Variants in GRM4 observed in about 807,000 individuals in gnomAD.
GRM4 encodes metabotropic glutamate receptor 4.
In GRM4, 28 loss-of-function variants were observed where a neutral mutation model predicts 81.7. That is an observed-to-expected ratio of 0.34 (90% CI 0.25 to 0.47). The LOEUF (loss-of-function observed/expected upper bound fraction) is 0.47, where lower values mean the gene tolerates loss of function less well. GRM4 is among the 20% of genes least tolerant of loss of function. The pLI is 1.00. For synonymous variants in GRM4, 488 were observed against 528.8 expected (o/e 0.92, Z 1.06); for missense variants, 948 against 1,290.0 (o/e 0.73, Z 4.06).
intron 1 of GRM4, among the ~76,000 whole-genome samples, chr6:34,153,283 G>C (rs1047782438): frequency 3.9e-5 from 6 of 152,206 alleles, no homozygotes; most frequent in Non-Finnish European, 5.9e-5. Flanking sequence ...AGGGCCCAGA[G>C]AGGCCAGGGC....
intron 2 of GRM4, among the ~76,000 whole-genome samples, chr6:34,102,524 T>C (rs2127494678): frequency 6.6e-6 from 1 of 152,264 alleles, no homozygotes; most frequent in South Asian, 2.1e-4. Context: ...TTCAAGACTT[T>C]GCTCAAATGT....
At chr6:34,105,758 G>A (rs74318988) in intron 2 of GRM4, among the ~76,000 whole-genome samples, 3,728 of 152,292 alleles carry the variant, frequency 0.024, 78 homozygotes, top group Non-Finnish European at 0.038. Context: ...AAATTCAGCA[G>A]GTTCAAAGTC....
At chr6:34,124,759 T>C (rs567406540) in intron 2 of GRM4, among the ~76,000 whole-genome samples, 2 of 152,208 alleles carry the variant, frequency 1.3e-5, no homozygotes, top group African/African-American at 4.8e-5. Context: ...AACAAATAAA[T>C]GCATGACTCT....
chr6:34,078,036 G>A lies in GRM4; in HGVS notation c.736+13847C>T, dbSNP rs141959280. Among the ~76,000 whole-genome samples the A allele has an allele frequency of 4.5e-3, 679 of 152,308 alleles. 2 individuals are homozygous for A. Among genetic ancestry groups the A allele is most frequent in the Middle Eastern group, 0.024 (7 of 294 alleles). On this transcript the variant is annotated intron_variant, in intron 3 of 10. Coordinates refer to ENST00000538487, the MANE Select transcript of GRM4 (RefSeq NM_000841.4). The surrounding 1 kb of genome is among the most constrained non-coding windows in gnomAD (Gnocchi z 4.8). ...TCAGCAACCTCCAGTGCCAGGAGCT[G>A]TCCTAGATTCTGTGGGTACAGCCTG...
rs1562023974 is a variant in GRM4 at position 34,047,478 on chromosome 6, C to G, written c.1169-6730G>C. Among the ~76,000 whole-genome samples, 1 of 152,158 alleles carries G rather than the reference C, an allele frequency of 6.6e-6. No homozygotes were observed. Among genetic ancestry groups the G allele is most frequent in the Non-Finnish European group, 1.5e-5 (1 of 68,030 alleles). On this transcript the variant is annotated intron_variant, in intron 6 of 10. Coordinates refer to ENST00000538487, the MANE Select transcript of GRM4 (RefSeq NM_000841.4). This position sits in a 1 kb window ranked among gnomAD's most constrained non-coding sequence, Gnocchi z 4.5. ...CACCATCCCACAAGCCCCCAAATTC[C>G]CAGAAGTCACCAGCCAGGATCTCCC...
chr6:34,083,628 G>A (rs1270305766), intron 3 of GRM4, among the ~76,000 whole-genome samples: 1 of 152,184 alleles, frequency 6.6e-6, no homozygotes, highest in South Asian at 2.1e-4. Flanking sequence ...TGGCTGCAGG[G>A]TGGGGCCCAC....
intron 2 of GRM4, among the ~76,000 whole-genome samples, chr6:34,101,289 A>G (rs533338934): frequency 5.9e-5 from 9 of 152,308 alleles, no homozygotes; most frequent in Admixed American, 2.0e-4. Flanking sequence ...CCATAGTCCT[A>G]TGAGGTGGGC....
intron 2 of GRM4, among the ~76,000 whole-genome samples, chr6:34,122,416 C>T (rs78611622): frequency 0.018 from 2,678 of 152,222 alleles, 57 homozygotes; most frequent in East Asian, 0.11. Flanking sequence ...ACTCTCCACA[C>T]GGAACCAAGC....
chr6:34,133,802 A>G lies in GRM4; in HGVS notation c.-306T>C, dbSNP rs1030250384. On this transcript the variant is annotated 5_prime_UTR_variant, in exon 2 of 11. Coordinates refer to ENST00000538487, the MANE Select transcript of GRM4 (RefSeq NM_000841.4). This position sits in a 1 kb window ranked among gnomAD's most constrained non-coding sequence, Gnocchi z 6.5. ...ACTGTGGAAAGGGCAGAATGCTCCT[A>G]GCTTGGCGTATCTTGGCATCAAGGA... is the stretch of plus-strand genomic sequence containing the variant. 1.5e-4 allele frequency: 171 copies of G among 1,164,304 alleles called. No homozygotes were observed. Among genetic ancestry groups the G allele is most frequent in the Middle Eastern group, 6.9e-4 (2 of 2,890 alleles). The allele number at this position is 1,164,304 out of a possible 1,614,324, so 72.1% of individuals were successfully genotyped here. A position where few individuals can be genotyped will look rare whatever the true frequency, so the allele number is the denominator to read the frequency against.
intron 2 of GRM4, among the ~76,000 whole-genome samples, chr6:34,105,521 G>T (rs746329161): frequency 3.3e-5 from 5 of 152,074 alleles, no homozygotes; most frequent in Non-Finnish European, 7.4e-5. Flanking sequence ...CTTCCTCTCA[G>T]CTTCCTTTGC....
intron 2 of GRM4, among the ~76,000 whole-genome samples, chr6:34,116,832 A>G (rs1769618756): frequency 6.6e-6 from 1 of 152,260 alleles, no homozygotes; most frequent in African/African-American, 2.4e-5. Flanking sequence ...GAAAGAGTAC[A>G]GAGCAATAGA....
At position 34,068,333 on chromosome 6, in the gene GRM4, C is replaced by A. The variant is rs969851355; in HGVS notation, c.737-6305G>T. Among the ~76,000 whole-genome samples, 1 of 152,156 alleles carries A rather than the reference C, an allele frequency of 6.6e-6. No individual in the cohort carries two copies. The highest frequency in any genetic ancestry group is 1.5e-5 in the Non-Finnish European group (1 of 68,032). ...TTGAGAACACTCTGGACTTGTAAAT[C>A]CCACTTACCTTCAAGTGAGGCGGGA... On this transcript the variant is annotated intron_variant, in intron 3 of 10. Transcript: ENST00000538487. The surrounding 1 kb of genome is among the most constrained non-coding windows in gnomAD (Gnocchi z 4.2).
Position 34,042,557 on chromosome 6 carries a change from G to A in GRM4, c.1169-1809C>T, listed in dbSNP as rs1020083916. Among the ~76,000 whole-genome samples, 1 of 152,264 alleles carries A rather than the reference G, an allele frequency of 6.6e-6. No homozygotes were observed. The highest frequency in any genetic ancestry group is 1.9e-4 in the East Asian group (1 of 5,176). On this transcript the variant is annotated intron_variant, in intron 6 of 10. Transcript: ENST00000538487. This position sits in a 1 kb window ranked among gnomAD's most constrained non-coding sequence, Gnocchi z 4.2. ...TGGCCTTCTTCCTCAAGGACAGGACGAGGAAATTACTCCTCCTATCATTCT... is the reference window on the plus strand; with the variant it reads ...TGGCCTTCTTCCTCAAGGACAGGACAAGGAAATTACTCCTCCTATCATTCT...
chr6:34,059,253 G>A lies in GRM4; in HGVS notation c.873-125C>T, dbSNP rs1766062821. On this transcript the variant is annotated intron_variant, in intron 4 of 10. Transcript: ENST00000538487. The surrounding 1 kb of genome is among the most constrained non-coding windows in gnomAD (Gnocchi z 5.7). The stretch of plus-strand genomic sequence containing the variant: ...AAGCCCAGGGTCCACAACTGTCCCA[G>A]CACCGATGCTTTCACCCCAAGCCAT... The A allele has an allele frequency of 3.7e-6, 3 of 805,656 alleles. No individual in the cohort carries two copies. The East Asian group carries it at 7.8e-5, about 21-fold the overall frequency. 49.9% of individuals were successfully genotyped at this position (805,656 alleles called of 1,614,324 possible).
chr6:34,082,846 C>A (rs945664315), intron 3 of GRM4, among the ~76,000 whole-genome samples: 2 of 152,218 alleles, frequency 1.3e-5, no homozygotes, highest in African/African-American at 4.8e-5. Context: ...GGCAGCACAA[C>A]TCATGATGGC....
upstream of GRM4, among the ~76,000 whole-genome samples, chr6:34,149,366 A>T (rs80133953): frequency 0.03 from 4,609 of 152,224 alleles, 138 homozygotes; most frequent in Middle Eastern, 0.085. Flanking sequence ...AGGCCATTAG[A>T]TGAAAATGTC....
At chr6:34,127,880 C>T (rs978739662) in intron 2 of GRM4, among the ~76,000 whole-genome samples, 1 of 152,172 alleles carries the variant, frequency 6.6e-6, no homozygotes, top group African/African-American at 2.4e-5. Flanking sequence ...GACACAAAGC[C>T]ACGTCCTCGA....
intron 3 of GRM4, among the ~76,000 whole-genome samples, chr6:34,082,182 G>A (rs1767639623): frequency 6.6e-6 from 1 of 152,200 alleles, no homozygotes; most frequent in Admixed American, 6.5e-5. Flanking sequence ...TGCTCTGAGT[G>A]AAGAGGCTCA....
At chr6:34,135,992 G>T (rs953940002) in intron 1 of GRM4, among the ~76,000 whole-genome samples, 4 of 152,234 alleles carry the variant, frequency 2.6e-5, no homozygotes, top group African/African-American at 9.6e-5. Context: ...CAGGCAGGGG[G>T]CAGAGATGCT....
Sources: allele counts gnomAD v4.1 joint callset (sites outside exome capture counted in the v4.1 genomes callset), GRCh38; gene constraint gnomAD v4.1.1; non-coding constraint Gnocchi (gnomAD v3.1); transcripts MANE v1.5; gene names NCBI Gene and HGNC (gene_info 2026-07-23, HGNC 2026-07-21).